MAST2: variants seen among roughly 807,000 people sequenced by gnomAD.
The protein encoded by MAST2 is microtubule-associated serine/threonine-protein kinase 2.
Under a neutral mutation model 147.4 loss-of-function variants are expected in MAST2, and 70 were observed. The observed-to-expected ratio is 0.47, with a 90% confidence interval of 0.39 to 0.58. The LOEUF is 0.58. Ranked by LOEUF, MAST2 falls within the 20% of genes least tolerant of loss-of-function variation. The pLI, the probability that MAST2 is intolerant of heterozygous loss-of-function variation, is 0.00. For missense variants in MAST2, 2,080 were observed against 2,302.3 expected, an observed-to-expected ratio of 0.90 and a Z score of 1.98; for synonymous variants, 869 against 896.8, an observed-to-expected ratio of 0.97 and a Z score of 0.55.
At chr1:45,967,160 A>C (rs1004704100) in intron 5 of MAST2, among the ~76,000 whole-genome samples, 1 of 150,668 alleles carries the variant, frequency 6.6e-6, no homozygotes, top group African/African-American at 2.4e-5. Context: ...TGCAACCTCC[A>C]CCTCCCAGGT....
At chr1:45,883,203 G>C (rs1646923268) in intron 4 of MAST2, among the ~76,000 whole-genome samples, 1 of 152,150 alleles carries the variant, frequency 6.6e-6, no homozygotes. Context: ...AACAAAAAAA[G>C]AGATGTAATT....
At chr1:45,886,998 T>G (rs1471559499) in intron 4 of MAST2, among the ~76,000 whole-genome samples, 1 of 152,148 alleles carries the variant, frequency 6.6e-6, no homozygotes, top group Non-Finnish European at 1.5e-5. Context: ...TGGCTAATTT[T>G]TGTATTTTTT....
At chr1:46,003,910 A>G (rs1223335754) in intron 7 of MAST2, among the ~76,000 whole-genome samples, 2 of 152,208 alleles carry the variant, frequency 1.3e-5, no homozygotes, top group African/African-American at 2.4e-5. Flanking sequence ...TACTTGCAGC[A>G]TTCTTCAGGT....
chr1:45,892,537 T>G (rs1409470498), intron 4 of MAST2, among the ~76,000 whole-genome samples: 1 of 152,230 alleles, frequency 6.6e-6, no homozygotes, highest in Non-Finnish European at 1.5e-5. Context: ...TTCTGGAAAT[T>G]CTGACTCATT....
chr1:46,024,772 C>G (rs1332463285), intron 15 of MAST2, among the ~76,000 whole-genome samples: 1 of 152,228 alleles, frequency 6.6e-6, no homozygotes, highest in African/African-American at 2.4e-5. Context: ...TTCCTTCCCT[C>G]TCTGGCCTGA....
At chr1:45,912,240 A>G (rs966721944) in intron 4 of MAST2, among the ~76,000 whole-genome samples, 10 of 152,176 alleles carry the variant, frequency 6.6e-5, no homozygotes, top group African/African-American at 2.4e-4. Context: ...TTGGGTAATT[A>G]GAACAGTGGC....
intron 1 of MAST2, among the ~76,000 whole-genome samples, chr1:45,820,572 T>C (rs150009313): frequency 1.9e-3 from 291 of 152,264 alleles, no homozygotes; most frequent in Non-Finnish European, 3.0e-3. Flanking sequence ...GTGCTAAATA[T>C]CATAGATTTA....
intron 10 of MAST2, among the ~76,000 whole-genome samples, chr1:46,011,381 T>G (rs1226293945): frequency 6.6e-6 from 1 of 152,150 alleles, no homozygotes; most frequent in Non-Finnish European, 1.5e-5. Flanking sequence ...GGTTTAGCCA[T>G]TTGCATGGTG....
At chr1:46,030,808 C>A in intron 22 of MAST2, 47 bp downstream of exon 22, 1 of 1,519,492 alleles carries the variant, frequency 6.6e-7, no homozygotes. Flanking sequence ...GCTATCCCTG[C>A]ATTGTCACAG....
chr1:45,805,490 C>T (rs147008663), intron 1 of MAST2, among the ~76,000 whole-genome samples: 2 of 152,256 alleles, frequency 1.3e-5, no homozygotes, highest in Non-Finnish European at 2.9e-5. Context: ...GCAATTTACT[C>T]CCCCATGTGC....
chr1:45,844,097 C>CT (rs908806471), intron 3 of MAST2, among the ~76,000 whole-genome samples: 8 of 151,620 alleles, frequency 5.3e-5, no homozygotes, highest in South Asian at 2.1e-4. Context: ...GACAGCCTTA[C>CT]TTTTTTTTGT....
At chr1:46,008,263 C>CTAAAG in intron 8 of MAST2, 33 bp from the exon 9 acceptor site, 1 of 1,515,176 alleles carries the variant, frequency 6.6e-7, no homozygotes, top group Admixed American at 1.7e-5. Context: ...TTCCATAGCA[C>CTAAAG]TAAAGTAACA....
At chr1:45,845,953 G>T (rs1242695793) in intron 3 of MAST2, among the ~76,000 whole-genome samples, 1 of 152,052 alleles carries the variant, frequency 6.6e-6, no homozygotes, top group African/African-American at 2.4e-5. Context: ...GTAGAGACGG[G>T]GTTTCACTGT....
chr1:45,952,066 G>A (rs893888885), intron 4 of MAST2, among the ~76,000 whole-genome samples: 1 of 152,248 alleles, frequency 6.6e-6, no homozygotes, highest in African/African-American at 2.4e-5. Context: ...AAAGAGCTCA[G>A]CAAGAAAGTT....
Position 46,023,641 on chromosome 1 carries a change from C to A in MAST2, c.1572-131C>A. On this transcript the variant is annotated intron_variant, in intron 14 of 28. Transcript: ENST00000361297. This position sits in a 1 kb window ranked among gnomAD's most constrained non-coding sequence, Gnocchi z 4.9. ...GGACCAGGGGGTCCCAGACCCTTCT[C>A]ACTGATATGCATGCCCTTGCCCCCT... The A allele has an allele frequency of 1.3e-6, 1 of 794,862 alleles. No homozygotes were observed. The allele number at this position is 794,862 out of a possible 1,614,324, so 49.2% of individuals were successfully genotyped here.
intron 4 of MAST2, among the ~76,000 whole-genome samples, chr1:45,929,213 ATC>A (rs1392996637): frequency 6.6e-6 from 1 of 151,956 alleles, no homozygotes; most frequent in Non-Finnish European, 1.5e-5. Context: ...TCTCCTCATT[ATC>A]TGTTTTTTTT....
At chr1:45,975,720 T>G (rs1304323746) in intron 5 of MAST2, among the ~76,000 whole-genome samples, 1 of 151,018 alleles carries the variant, frequency 6.6e-6, no homozygotes, top group Non-Finnish European at 1.5e-5. Context: ...TACAGATCGT[T>G]TGTTACTAGA....
At chr1:45,966,925 G>T (rs1260452254) in intron 5 of MAST2, among the ~76,000 whole-genome samples, 1 of 144,900 alleles carries the variant, frequency 6.9e-6, no homozygotes, top group East Asian at 2.1e-4. Context: ...GGAGTATGGT[G>T]GCACAGTCAC....
intron 4 of MAST2, among the ~76,000 whole-genome samples, chr1:45,906,339 G>T (rs1175639060): frequency 1.3e-5 from 2 of 152,070 alleles, no homozygotes; most frequent in Admixed American, 6.5e-5. Flanking sequence ...GTGTATGTTT[G>T]TGTCTTCATT....
Sources: gnomAD v4.1 joint callset for allele counts (sites outside exome capture counted in the v4.1 genomes callset) on GRCh38, gnomAD v4.1.1 for gene constraint, Gnocchi (gnomAD v3.1) non-coding constraint, MANE v1.5 for transcripts, NCBI Gene and HGNC (gene_info 2026-07-23, HGNC 2026-07-21) for gene names.